The following SEL1L3 variants were observed in gnomAD, a reference collection of about 807,000 sequenced individuals.
The protein encoded by SEL1L3 is protein sel-1 homolog 3.
In SEL1L3, 76 loss-of-function variants were observed where a neutral mutation model predicts 142.8. The observed-to-expected ratio is 0.53, with a 90% CI of 0.44 to 0.64. The LOEUF (loss-of-function observed/expected upper bound fraction) is 0.64, where lower values mean the gene tolerates loss of function less well. Among genes scored for constraint, SEL1L3 ranks in the 30% least tolerant of loss-of-function variants. SEL1L3 has a pLI of 0.00. For missense variants in SEL1L3, 1,262 were observed against 1,381.7 expected, an observed-to-expected ratio of 0.91 and a Z score of 1.37; for synonymous variants, 504 against 519.6, an observed-to-expected ratio of 0.97 and a Z score of 0.41.
rs1718086283 is a variant in SEL1L3, at chr4:25,757,704, A to T, written c.3170T>A (p.Ile1057Asn). The T allele has an allele frequency of 6.3e-7, 1 of 1,594,500 alleles. No homozygotes were observed. Among genetic ancestry groups the T allele is most frequent in the East Asian group, 2.3e-5 (1 of 43,894 alleles). The change falls in exon 22 of 24, where the codon ATC becomes AAC. Residue 1057 changes from isoleucine to asparagine, a missense_variant. By Grantham distance (149) the Ile-to-Asn change is moderately radical. Transcript: ENST00000399878. Reference sequence around the variant, plus strand: ...GAAACCTACCAGGGCTGAGTGCAGGATAGCACCCCAGAGAAGCCGCAAGTG... The same window carrying T: ...GAAACCTACCAGGGCTGAGTGCAGGTTAGCACCCCAGAGAAGCCGCAAGTG... ...YLHLRLLWGA[I>N]LHSALIYFLG...
At chr4:25,745,875 T>C (rs544858353), downstream of SEL1L3, among the ~76,000 whole-genome samples, 12 of 152,354 alleles carry the variant, frequency 7.9e-5, no homozygotes, top group Admixed American at 7.8e-4. Flanking sequence ...CAGCAGCTCA[T>C]GTTCCCAACA....
chr4:25,766,662 T>C (rs1577572077), intron 19 of SEL1L3, among the ~76,000 whole-genome samples: 1 of 152,090 alleles, frequency 6.6e-6, no homozygotes, highest in South Asian at 2.1e-4. Context: ...CCTGTGATGT[T>C]ACCAGAGACC....
In SEL1L3 at chr4:25,759,086, A is replaced by G. The variant is rs747326469; in HGVS notation, c.2956-18T>C. 1 of 1,611,424 alleles carries G rather than the reference A, an allele frequency of 6.2e-7. No homozygotes were observed. The highest frequency in any genetic ancestry group is 1.3e-5 in the African/African-American group (1 of 74,880). ...AAAAATCCCTAAAAACAAGCCACAA[A>G]CCAAACTCATCAAATCCTTGAAATA... On this transcript the variant is annotated intron_variant, in intron 20 of 23. Coordinates refer to ENST00000399878, the MANE Select transcript of SEL1L3 (RefSeq NM_015187.5).
In SEL1L3 at chr4:25,788,913, C is replaced by T. The variant is rs868016171; in HGVS notation, c.2077-549G>A. ...CTGTTAGCCCCCCAACCCAGCAGAG[C>T]TCAGCAGGTCATAGAAGCTGCTGAA... On this transcript the variant is annotated intron_variant, in intron 12 of 23. Transcript: ENST00000399878. The surrounding 1 kb of genome is among the most constrained non-coding windows in gnomAD (Gnocchi z 5.3). 4.6e-4 allele frequency among the ~76,000 whole-genome samples: 70 copies of T among 152,284 alleles called. No individual in the cohort carries two copies. In the Middle Eastern group the frequency reaches 0.031, roughly 67 times the overall value.
At chr4:25,776,140 G>A in intron 17 of SEL1L3, 137 bp downstream of exon 17, 1 of 603,000 alleles carries the variant, frequency 1.7e-6, no homozygotes, top group South Asian at 2.2e-5. Flanking sequence ...ATCAGTCCAT[G>A]ATACTCTGAA....
intron 11 of SEL1L3, among the ~76,000 whole-genome samples, chr4:25,796,420 C>T (rs901328888): frequency 2.6e-5 from 4 of 151,754 alleles, no homozygotes; most frequent in Non-Finnish European, 5.9e-5. Context: ...CATAGCAAAA[C>T]CCTGTCTCAA....
chr4:25,844,260 A>G (rs1716367902), intron 2 of SEL1L3, among the ~76,000 whole-genome samples: 3 of 152,230 alleles, frequency 2.0e-5, no homozygotes, highest in Admixed American at 1.3e-4. Context: ...AACAAAGGTC[A>G]TGGATGTTTT....
At chr4:25,860,254 T>A (rs1052718269) in intron 1 of SEL1L3, among the ~76,000 whole-genome samples, 1 of 152,208 alleles carries the variant, frequency 6.6e-6, no homozygotes, top group Non-Finnish European at 1.5e-5. Context: ...TTTCAAATTA[T>A]GAAAGACCTT....
chr4:25,839,699 C>G (rs1716049886), intron 2 of SEL1L3, among the ~76,000 whole-genome samples: 2 of 152,194 alleles, frequency 1.3e-5, no homozygotes, highest in African/African-American at 4.8e-5. Context: ...GGAAAAGGAC[C>G]AGAAGATTCG....
intron 14 of SEL1L3, among the ~76,000 whole-genome samples, chr4:25,782,951 G>GAGAAGC (rs1711534687): frequency 6.6e-6 from 1 of 152,196 alleles, no homozygotes; most frequent in Non-Finnish European, 1.5e-5. Flanking sequence ...CAGGGTCTGG[G>GAGAAGC]AGAAGCAGAA....
chr4:25,848,061 G>A (rs1393375713), intron 1 of SEL1L3, among the ~76,000 whole-genome samples, 197 bp from the exon 2 acceptor site: 2 of 152,206 alleles, frequency 1.3e-5, no homozygotes, highest in Non-Finnish European at 2.9e-5. Flanking sequence ...AAAGGAAGAT[G>A]AGGCCACATT....
the SEL1L3 span, among the ~76,000 whole-genome samples, chr4:25,732,256 AAC>A: frequency 2.6e-5 from 4 of 152,352 alleles, no homozygotes; most frequent in East Asian, 7.7e-4. Flanking sequence ...CATCCATTTA[AAC>A]TTGAATTTCG....
At position 25,847,342 on chromosome 4, in the gene SEL1L3, T is replaced by C. The variant is rs1439049543; in HGVS notation, c.685A>G (p.Ile229Val). 2 of 1,614,014 alleles carry C rather than the reference T, an allele frequency of 1.2e-6. No homozygotes were observed. The highest frequency in any genetic ancestry group is 3.3e-5 in the Admixed American group (2 of 60,024). The change falls in exon 2 of 24, where the codon ATT (isoleucine) becomes GTT (valine). Residue 229 changes from isoleucine to valine, a missense_variant. By Grantham distance (29) the Ile-to-Val change is conservative. Coordinates refer to ENST00000399878, the MANE Select transcript of SEL1L3 (RefSeq NM_015187.5). ...ATCCTGTTTGCCCGAAGGTTCCAAA[T>C]ATAACCCATGTTCCACTCAAGGCAC... The part of the protein sequence containing the change: ...QVCLEWNMGY[I>V]WNLRANRIPQ...
intron 8 of SEL1L3, 26 bp downstream of exon 8, chr4:25,819,782 C>CA: frequency 6.3e-7 from 1 of 1,597,562 alleles, no homozygotes; most frequent in South Asian, 1.1e-5. Context: ...GAGCTTAAAA[C>CA]AGCTCCCCTG....
At chr4:25,772,167 G>T (rs1719269955) in intron 17 of SEL1L3, among the ~76,000 whole-genome samples, 1 of 152,174 alleles carries the variant, frequency 6.6e-6, no homozygotes, top group African/African-American at 2.4e-5. Flanking sequence ...TTTAACCCCT[G>T]GGGAGGGCTT....
chr4:25,770,825 A>G (rs1719124001), intron 17 of SEL1L3, among the ~76,000 whole-genome samples: 1 of 152,182 alleles, frequency 6.6e-6, no homozygotes, highest in East Asian at 1.9e-4. Flanking sequence ...TGCACAATCA[A>G]TCACCCAATG....
chr4:25,817,888 G>A lies in SEL1L3; in HGVS notation c.1564+250C>T, dbSNP rs180832571. On this transcript the variant is annotated intron_variant, in intron 9 of 23. Coordinates refer to ENST00000399878, the MANE Select transcript of SEL1L3 (RefSeq NM_015187.5). ...TCTGGCTGCGGCCTATCCATTTGCC[G>A]CCTTGGCTTTCAATAAAGAATTGCT... 2.9e-3 allele frequency among the ~76,000 whole-genome samples: 446 copies of A among 152,172 alleles called. 7 individuals carry two copies. Among genetic ancestry groups the A allele is most frequent in the African/African-American group, 0.01 (419 of 41,502 alleles).
intron 2 of SEL1L3, among the ~76,000 whole-genome samples, chr4:25,843,151 G>A (rs1167811059): frequency 1.3e-5 from 2 of 152,262 alleles, no homozygotes; most frequent in South Asian, 4.2e-4. Flanking sequence ...AAGGCTGCAA[G>A]GGGACAGGGA....
chr4:25,759,335 C>T, intron 20 of SEL1L3: 1 of 401,228 alleles, frequency 2.5e-6, no homozygotes, highest in Non-Finnish European at 4.5e-6. Flanking sequence ...CTTTCTCGCT[C>T]ACTCTCTCAG....
Sources: gnomAD v4.1 joint callset for allele counts (sites outside exome capture counted in the v4.1 genomes callset) on GRCh38, gnomAD v4.1.1 for gene constraint, Gnocchi (gnomAD v3.1) non-coding constraint, MANE v1.5 for transcripts, NCBI Gene and HGNC (gene_info 2026-07-23, HGNC 2026-07-21) for gene names.